LILRA6: variants seen among roughly 807,000 people sequenced by gnomAD.
LILRA6 encodes leukocyte immunoglobulin-like receptor subfamily A member 6.
Under a neutral mutation model 53.9 loss-of-function variants are expected in LILRA6, and 16 were observed. The ratio of observed to expected loss-of-function variants is 0.30; its 90% CI spans 0.20 to 0.45. The LOEUF is 0.45. Among genes scored for constraint, LILRA6 ranks in the 20% least tolerant of loss-of-function variants. The pLI is 1.00. For synonymous variants in LILRA6, 135 were observed against 256.4 expected, an observed-to-expected ratio of 0.53 and a Z score of 4.52; for missense variants, 306 against 618.6, an observed-to-expected ratio of 0.49 and a Z score of 5.36.
chr19:54,240,939 G>A (rs746388780), exon 5 of LILRA6: 1 of 1,613,920 alleles, frequency 6.2e-7, no homozygotes, highest in Non-Finnish European at 8.5e-7. Context: ...ACAGGGCCCA[G>A]GGTGAAGTTG....
downstream of LILRA6, chr19:54,236,683 CA>C (rs1370516772): frequency 6.6e-6 from 1 of 150,986 alleles, no homozygotes; most frequent in Non-Finnish European, 1.5e-5. Context: ...GGATAAGGAA[CA>C]TGTGGTCTAT....
At position 54,239,472 on chromosome 19, in the gene LILRA6, T is replaced by A. The variant is rs927188891; in HGVS notation, c.1310-383A>T. 5.1e-5 allele frequency: 32 copies of A among 624,076 alleles called. No individual in the cohort carries two copies. The African/African-American group carries it at 5.8e-4, about 11-fold the overall frequency. The allele number at this position is 624,076 out of a possible 1,614,324, so 38.7% of individuals were successfully genotyped here. A position where few individuals can be genotyped will look rare whatever the true frequency, so the allele number is the denominator to read the frequency against. On this transcript the variant is annotated intron_variant, in intron 7 of 7. Transcript: ENST00000396365. ...TCAACGCTGCTCCTGAGCCATTTCC[T>A]CCCTCCCATGGGCTGGATTCTCCAC...
chr19:54,238,673 C>A, exon 8 of LILRA6: 1 of 424,140 alleles, frequency 2.4e-6, no homozygotes, highest in Non-Finnish European at 4.0e-6. Context: ...TGTTTGCTGG[C>A]CTCCAAGAGG....
Position 54,240,549 on chromosome 19 carries a change from G to T in LILRA6, c.983C>A (p.Ser328Ter). The change falls in exon 6 of 8, where the codon TCA (serine) becomes TAA (stop). Residue 328 changes from serine to a stop codon, truncating the protein, a stop_gained. Transcript: ENST00000396365. LOFTEE classifies it high-confidence loss of function. ...GGCCACTGTGGGGCCCGGCTGTGCT[G>T]ACAGGGAGACGGTGTCATAGATCTG... 6.2e-7 allele frequency: 1 copy of T among 1,605,888 alleles called. No homozygotes were observed. The highest frequency in any genetic ancestry group is 8.5e-7 in the Non-Finnish European group (1 of 1,176,678).
At position 54,241,011 on chromosome 19, in the gene LILRA6, C is replaced by A; in HGVS notation, c.775G>T (p.Glu259Ter). The A allele has an allele frequency of 6.2e-7, 1 of 1,613,634 alleles. No homozygotes were observed. The highest frequency in any genetic ancestry group is 1.1e-5 in the South Asian group (1 of 90,842). ...CGCTGGAGGAAGTCACGTTCCCCCT[C>A]CTTATACAGAACAAATCTGTCGTAG... The change falls in exon 5 of 8, where the codon GAG becomes TAG. Residue 259 changes from glutamate (E) to a stop codon, truncating the protein, a stop_gained. Coordinates refer to ENST00000396365, the Ensembl canonical transcript of LILRA6. LOFTEE classifies it high-confidence loss of function.
chr19:54,239,429 T>C, intron 7 of LILRA6: 1 of 635,032 alleles, frequency 1.6e-6, no homozygotes, highest in East Asian at 3.6e-5. Flanking sequence ...ATTTCAGTTT[T>C]CCTGTGTTCT....
At position 54,242,764 on chromosome 19, in the gene LILRA6, T is replaced by C. The variant is rs181003692; in HGVS notation, c.-13A>G. Reference sequence around the variant, plus strand: ...GGGTGGGGGTCATGGCGTCTCCTCCTGGTGACCCCGGGCTCTGCAGAGGGA... The same window carrying C: ...GGGTGGGGGTCATGGCGTCTCCTCCCGGTGACCCCGGGCTCTGCAGAGGGA... On this transcript the variant is annotated 5_prime_UTR_variant, in exon 1 of 8. Coordinates refer to ENST00000396365, the Ensembl canonical transcript of LILRA6. 6.8e-5 allele frequency: 72 copies of C among 1,058,330 alleles called. 28 individuals carry two copies. In the Middle Eastern group the frequency reaches 9.7e-4, roughly 14 times the overall value. 65.6% of individuals were successfully genotyped at this position (1,058,330 alleles called of 1,614,324 possible).
intron 7 of LILRA6, 140 bp from the exon 8 acceptor site, chr19:54,239,229 T>C (rs2078683438): frequency 1.9e-6 from 3 of 1,545,568 alleles, no homozygotes; most frequent in South Asian, 2.5e-5. Flanking sequence ...ACTGTCTGAC[T>C]TGTTTTGTGA....
chr19:54,242,252 G>A lies in LILRA6; in HGVS notation c.129C>T (p.Ser43=), dbSNP rs771008722. The change falls in exon 3 of 8, where the codon AGC becomes AGT. Residue 43 remains serine, a synonymous_variant. Coordinates refer to ENST00000396365, the Ensembl canonical transcript of LILRA6. ...TCCCCTGACACCAGATGGTCACGGG[G>A]CTCCCCCAGCTGATCACAGAGCCTG... 7 of 1,417,718 alleles carry A rather than the reference G, an allele frequency of 4.9e-6. 1 individual carries two copies. The highest frequency in any genetic ancestry group is 4.0e-5 in the South Asian group (3 of 74,726). The allele number at this position is 1,417,718 out of a possible 1,614,324, so 87.8% of individuals were successfully genotyped here.
At chr19:54,239,452 G>C in intron 7 of LILRA6, 1 of 618,466 alleles carries the variant, frequency 1.6e-6, no homozygotes, top group Non-Finnish European at 2.7e-6. Flanking sequence ...GAATTTCAAC[G>C]CTGCTCCTGA....
rs748949415 is a variant in LILRA6 at position 54,242,701 on chromosome 19, C to T, written c.34+17G>A. On this transcript the variant is annotated intron_variant, in intron 1 of 7. Coordinates refer to ENST00000396365, the Ensembl canonical transcript of LILRA6. ...CTCCAAGACTCAGATCTCCCCCTCC[C>T]CATCTTGAAATCTCACCTAGGCAGA... 10 of 1,081,788 alleles carry T rather than the reference C, an allele frequency of 9.2e-6. 3 individuals are homozygous for T. In the Admixed American group the frequency reaches 2.3e-4, roughly 25 times the overall value. The allele number at this position is 1,081,788 out of a possible 1,614,324, so 67.0% of individuals were successfully genotyped here. A position where few individuals can be genotyped will look rare whatever the true frequency, so the allele number is the denominator to read the frequency against.
chr19:54,239,002 A>G, exon 8 of LILRA6: 1 of 1,611,394 alleles, frequency 6.2e-7, no homozygotes, highest in Non-Finnish European at 8.5e-7. Context: ...CTGAGCCTCA[A>G]ATAACAGAAT....
exon 8 of LILRA6, chr19:54,238,871 T>C: frequency 6.4e-7 from 1 of 1,563,346 alleles, no homozygotes; most frequent in Admixed American, 1.9e-5. Context: ...AGGTCCTAGA[T>C]TGTCCTCCAG....
At chr19:54,242,200 C>G (rs754799286) in exon 3 of LILRA6, 73,159 of 1,372,738 alleles carry the variant, frequency 0.053, 10,438 homozygotes, top group East Asian at 0.12. Flanking sequence ...CCCTCTTTAT[C>G]CAGTCGGTAC....
rs73938611 is a variant in LILRA6, at chr19:54,239,021, A to C, written c.1378T>G (p.Phe460Val). The change falls in exon 8 of 8, where the codon TTC (phenylalanine) becomes GTC (valine). Residue 460 changes from phenylalanine to valine, a missense_variant. Phe to Val is a conservative substitution (Grantham distance 50). Coordinates refer to ENST00000396365, the Ensembl canonical transcript of LILRA6. Reference sequence around the variant, plus strand: ...GCCTCAAATAACAGAATCCCGAGGAACACCAGGACCAAGCCTGCCATGCCC... The same window carrying C: ...GCCTCAAATAACAGAATCCCGAGGACCACCAGGACCAAGCCTGCCATGCCC... 2.3e-4 allele frequency: 371 copies of C among 1,611,348 alleles called. 18 individuals carry two copies. Among genetic ancestry groups the C allele is most frequent in the African/African-American group, 2.2e-3 (161 of 73,152 alleles).
Position 54,240,817 on chromosome 19 carries a change from G to C in LILRA6, c.955+14C>G. ...AGAGCCTGGGTCCCTGACTGAACCC[G>C]CTGGGCTCCTCACCTGCCATCAGGA... On this transcript the variant is annotated intron_variant, in intron 5 of 7. Coordinates refer to ENST00000396365, the Ensembl canonical transcript of LILRA6. The C allele has an allele frequency of 6.2e-7, 1 of 1,612,992 alleles. No homozygotes were observed. The highest frequency in any genetic ancestry group is 8.5e-7 in the Non-Finnish European group (1 of 1,179,968).
At chr19:54,239,345 G>C (rs2078686153) in intron 7 of LILRA6, 1 of 1,131,620 alleles carries the variant, frequency 8.8e-7, no homozygotes. Flanking sequence ...GCCTCATGAC[G>C]TGGCTTTTAC....
chr19:54,238,879 C>G, exon 8 of LILRA6: 1 of 1,575,326 alleles, frequency 6.3e-7, no homozygotes, highest in Non-Finnish European at 8.6e-7. Flanking sequence ...GATTGTCCTC[C>G]AGAGCCTTCT....
intron 7 of LILRA6, chr19:54,239,631 C>A: frequency 7.1e-7 from 1 of 1,406,484 alleles, no homozygotes; most frequent in East Asian, 2.5e-5. Flanking sequence ...TGGCCTGACC[C>A]TGGGGGGTTG....
Sources: gnomAD v4.1 joint callset for allele counts on GRCh38, gnomAD v4.1.1 for gene constraint, MANE v1.5 for transcripts, NCBI Gene and HGNC (gene_info 2026-07-23, HGNC 2026-07-21) for gene names.